The following DPYS variants were observed in gnomAD, a reference collection of about 807,000 sequenced individuals.
The protein encoded by DPYS is dihydropyrimidine amidohydrolase.
A neutral mutation model predicts 50.3 loss-of-function variants in DPYS; 39 were observed. The ratio of observed to expected loss-of-function variants is 0.78; its 90% CI spans 0.60 to 1.01. DPYS has a LOEUF of 1.01. DPYS is among the 50% of genes least tolerant of loss of function. The probability of loss-of-function intolerance (pLI) is 0.00; values close to 1 mark genes in which losing one functional copy is unlikely to be tolerated. For synonymous variants in DPYS, 245 were observed against 250.7 expected, an observed-to-expected ratio of 0.98 and a Z score of 0.22; for missense variants, 659 against 680.9, an observed-to-expected ratio of 0.97 and a Z score of 0.36.
chr8:104,435,845 T>C (rs1813123157), intron 4 of DPYS, among the ~76,000 whole-genome samples: 1 of 152,094 alleles, frequency 6.6e-6, no homozygotes, highest in African/African-American at 2.4e-5. Flanking sequence ...AGAAGGATCA[T>C]GGCTGACCGG....
intron 7 of DPYS, among the ~76,000 whole-genome samples, chr8:104,415,444 T>C (rs990976588): frequency 3.3e-5 from 5 of 152,372 alleles, no homozygotes; most frequent in Admixed American, 6.5e-5. Context: ...GTAAAGTCCC[T>C]AGAAATCATT....
At chr8:104,427,365 G>A (rs954362663) in intron 6 of DPYS, among the ~76,000 whole-genome samples, 5 of 149,676 alleles carry the variant, frequency 3.3e-5, no homozygotes, top group African/African-American at 4.9e-5. Context: ...CACAACCTCT[G>A]CCTCACAAGT....
intron 9 of DPYS, among the ~76,000 whole-genome samples, chr8:104,380,126 C>T (rs116822315): frequency 0.017 from 2,516 of 152,202 alleles, 50 homozygotes; most frequent in African/African-American, 0.056. Flanking sequence ...AAAGACACAA[C>T]ATTCAATAAT....
intron 1 of DPYS, among the ~76,000 whole-genome samples, chr8:104,462,011 T>TTATTTTTCTTTATACTCATCTG (rs1432961371): frequency 6.6e-6 from 1 of 152,220 alleles, no homozygotes; most frequent in Non-Finnish European, 1.5e-5. Context: ...GATTTAAATA[T>TTATTTTTCTTTATACTCATCTG]TATTTTTCTT....
At chr8:104,442,611 T>G (rs1813394904) in intron 4 of DPYS, among the ~76,000 whole-genome samples, 1 of 152,202 alleles carries the variant, frequency 6.6e-6, no homozygotes, top group African/African-American at 2.4e-5. Context: ...AAATGGTTGG[T>G]TAGTAAGATA....
chr8:104,461,013 G>A (rs1197937083), intron 1 of DPYS, among the ~76,000 whole-genome samples: 1 of 151,812 alleles, frequency 6.6e-6, no homozygotes, highest in Non-Finnish European at 1.5e-5. Flanking sequence ...GCCAGGCACA[G>A]TGGCTCACAC....
chr8:104,393,017 G>T (rs377762360), intron 7 of DPYS, 26 bp from the exon 8 acceptor site: 28 of 1,606,164 alleles, frequency 1.7e-5, no homozygotes, highest in Non-Finnish European at 2.2e-5. Context: ...CAACAAAAAA[G>T]TTCTGGATCA....
chr8:104,379,977 T>C (rs1810978345), intron 9 of DPYS, 134 bp from the exon 10 acceptor site: 1 of 335,896 alleles, frequency 3.0e-6, no homozygotes, highest in Non-Finnish European at 6.0e-6. Flanking sequence ...ATTAATAGCA[T>C]GTTATAGCAT....
intron 4 of DPYS, among the ~76,000 whole-genome samples, chr8:104,431,848 T>C (rs1052719433): frequency 1.1e-4 from 17 of 152,202 alleles, no homozygotes; most frequent in African/African-American, 3.6e-4. Flanking sequence ...AGTCATAGTA[T>C]TATAATATCA....
intron 6 of DPYS, among the ~76,000 whole-genome samples, chr8:104,425,717 C>T (rs1469596924): frequency 2.0e-5 from 3 of 152,074 alleles, no homozygotes. Context: ...TAGTCTATTG[C>T]AAGAGATTTT....
chr8:104,459,983 C>T (rs1330012370), intron 1 of DPYS, among the ~76,000 whole-genome samples: 1 of 152,106 alleles, frequency 6.6e-6, no homozygotes, highest in Non-Finnish European at 1.5e-5. Context: ...GTATAACCCC[C>T]CAAATCTAGC....
chr8:104,428,723 G>T lies in DPYS; in HGVS notation c.951-602C>A, dbSNP rs117275643. Among the ~76,000 whole-genome samples the T allele has an allele frequency of 3.6e-3, 543 of 152,320 alleles. 5 individuals are homozygous for T. The highest frequency in any genetic ancestry group is 6.8e-3 in the Middle Eastern group (2 of 294). On this transcript the variant is annotated intron_variant, in intron 5 of 9. Transcript: ENST00000351513. The stretch of plus-strand genomic sequence containing the variant: ...AAGGAGGAAGGAAGCTGAAAAGAAT[G>T]GGTAAGTGAACTCTTGTACGGTCTG...
intron 3 of DPYS, among the ~76,000 whole-genome samples, chr8:104,446,039 C>T (rs141060271): frequency 0.015 from 2,352 of 152,066 alleles, 55 homozygotes; most frequent in African/African-American, 0.054. Flanking sequence ...AGCGGGACTC[C>T]ATCTCAAAAA....
Position 104,406,974 on chromosome 8 carries a change from CA to C in DPYS, c.1236-13984del, listed in dbSNP as rs761499073. ...GCATTCACCCTTGACATTTTCACTT[CA>C]TTTTTCTTACATTTACTAATAGCAC... On this transcript the variant is annotated intron_variant, in intron 7 of 9. Coordinates refer to ENST00000351513, the MANE Select transcript of DPYS (RefSeq NM_001385.3). Among the ~76,000 whole-genome samples, 310 of 152,320 alleles carry C rather than the reference CA, an allele frequency of 2.0e-3. 1 individual carries two copies. Among genetic ancestry groups the C allele is most frequent in the African/African-American group, 5.6e-3 (231 of 41,576 alleles).
rs1812879717 is a variant in DPYS, at chr8:104,429,609, C to G, written c.886G>C (p.Val296Leu). ...NKEWHHAAHH[V>L]MGPPLRPDPS... ...TCTGGTCGCAAAGGTGGACCCATGA[C>G]ATGGTGGGCTGCATGGTGCCATTCT... The change falls in exon 5 of 10, where the codon GTC becomes CTC. Residue 296 changes from valine (V) to leucine (L), a missense_variant. Coordinates refer to ENST00000351513, the MANE Select transcript of DPYS (RefSeq NM_001385.3). 1.2e-6 allele frequency: 2 copies of G among 1,614,052 alleles called. No individual in the cohort carries two copies. The highest frequency in any genetic ancestry group is 1.7e-6 in the Non-Finnish European group (2 of 1,180,032).
Position 104,402,195 on chromosome 8 carries a change from A to G in DPYS, c.1236-9204T>C, listed in dbSNP as rs184390935. On this transcript the variant is annotated intron_variant, in intron 7 of 9. Coordinates refer to ENST00000351513, the MANE Select transcript of DPYS (RefSeq NM_001385.3). ...GTAGGTACCATGTCCTTCACCTCCT[A>G]TGCCTCACACAGTACTGAGCAAACA... 1.2e-3 allele frequency among the ~76,000 whole-genome samples: 188 copies of G among 152,322 alleles called. 1 individual carries two copies. Among genetic ancestry groups the G allele is most frequent in the African/African-American group, 4.3e-3 (178 of 41,576 alleles).
At chr8:104,381,149 A>AAC in intron 9 of DPYS, 35 bp downstream of exon 9, 1 of 1,547,718 alleles carries the variant, frequency 6.5e-7, no homozygotes, top group Non-Finnish European at 8.9e-7. Context: ...ATATGCTGTC[A>AAC]TGCAGGAAGA....
chr8:104,465,384 C>A (rs1467274104), intron 1 of DPYS, among the ~76,000 whole-genome samples: 1 of 152,146 alleles, frequency 6.6e-6, no homozygotes, highest in Non-Finnish European at 1.5e-5. Context: ...TTTCACACAT[C>A]AAGGTATGGT....
At chr8:104,461,090 C>T (rs1424987687) in intron 1 of DPYS, among the ~76,000 whole-genome samples, 1 of 148,658 alleles carries the variant, frequency 6.7e-6, no homozygotes, top group African/African-American at 2.5e-5. Context: ...TTGAGATCAG[C>T]CTGGGCAACA....
Sources: allele counts gnomAD v4.1 joint callset (sites outside exome capture counted in the v4.1 genomes callset), GRCh38; gene constraint gnomAD v4.1.1; transcripts MANE v1.5; gene names NCBI Gene and HGNC (gene_info 2026-07-23, HGNC 2026-07-21).